The following FBXO30 variants were observed in gnomAD, a reference collection of about 807,000 sequenced individuals.
FBXO30 encodes the protein F-box only protein 30.
FBXO30 carries 21 observed loss-of-function variants against 58.1 expected under a neutral mutation model. That is an observed-to-expected ratio of 0.36 (90% CI 0.26 to 0.52). The LOEUF is 0.52. Ranked by LOEUF, FBXO30 falls within the 20% of genes least tolerant of loss-of-function variation. The pLI, the probability that FBXO30 is intolerant of heterozygous loss-of-function variation, is 0.93. For synonymous variants in FBXO30, 309 were observed against 312.4 expected (o/e 0.99, Z 0.11); for missense variants, 744 against 897.3 (o/e 0.83, Z 2.18).
At chr6:145,811,530 T>G (rs1342555981) in intron 1 of FBXO30, among the ~76,000 whole-genome samples, 1 of 152,234 alleles carries the variant, frequency 6.6e-6, no homozygotes, top group East Asian at 1.9e-4. Context: ...TTTCCACTAT[T>G]TTAATTCCCT....
At chr6:145,807,867 C>T (rs1226931699) in intron 1 of FBXO30, among the ~76,000 whole-genome samples, 2 of 152,028 alleles carry the variant, frequency 1.3e-5, no homozygotes, top group East Asian at 3.9e-4. Flanking sequence ...GTGGCTCAAA[C>T]CTGTAATCCC....
intron 1 of FBXO30, chr6:145,809,644 A>G (rs1778280374): frequency 6.6e-6 from 1 of 152,224 alleles, no homozygotes; most frequent in Non-Finnish European, 1.5e-5. Context: ...CCCTTTGAAT[A>G]AGGTTTCAAA....
chr6:145,804,349 G>T, intron 2 of FBXO30, 23 bp downstream of exon 2: 1 of 1,566,158 alleles, frequency 6.4e-7, no homozygotes, highest in South Asian at 1.2e-5. Context: ...TGTCAAATAA[G>T]AGGTTGTAAA....
At chr6:145,803,754 C>G (rs1294056505) in intron 2 of FBXO30, among the ~76,000 whole-genome samples, 1 of 152,038 alleles carries the variant, frequency 6.6e-6, no homozygotes, top group Non-Finnish European at 1.5e-5. Context: ...TCTACTAAAC[C>G]CAGAGTCCCC....
In FBXO30 at chr6:145,798,851, A is replaced by G. The variant is rs1175848972; in HGVS notation, c.*1255T>C. On this transcript the variant is annotated 3_prime_UTR_variant, in exon 3 of 3. Transcript: ENST00000237281. ...TTAACAAGTAATCTGTCACCATTTC[A>G]GACTACCAAATGCTAATTTACTTAA... is the stretch of plus-strand genomic sequence containing the variant. The G allele has an allele frequency of 3.3e-5, 5 of 152,074 alleles. No individual in the cohort carries two copies. Among genetic ancestry groups the G allele is most frequent in the Admixed American group, 6.6e-5 (1 of 15,244 alleles). 9.4% of individuals were successfully genotyped at this position (152,074 alleles called of 1,614,324 possible).
At chr6:145,801,764 T>G (rs552878230) in intron 2 of FBXO30, among the ~76,000 whole-genome samples, 1 of 152,192 alleles carries the variant, frequency 6.6e-6, no homozygotes, top group South Asian at 2.1e-4. Flanking sequence ...ATAGTATAGA[T>G]GTCACTAGCC....
chr6:145,809,028 AAAG>A (rs1778261887), intron 1 of FBXO30, among the ~76,000 whole-genome samples: 1 of 130,028 alleles, frequency 7.7e-6, no homozygotes, highest in African/African-American at 2.6e-5. Flanking sequence ...CAATGATGTC[AAAG>A]AAAAGACAAG....
chr6:145,804,421 C>T lies in FBXO30; in HGVS notation c.1985G>A (p.Gly662Glu). Residue 662 changes from glycine (G) to glutamate (E), a missense_variant, in exon 2 of 3, where the codon GGG (glycine) becomes GAG (glutamate). Gly to Glu is a moderately conservative substitution (Grantham distance 98). This residue lies in a region of FBXO30 where 334 missense variants were observed against 433.7 expected (regional missense o/e 0.77). Coordinates refer to ENST00000237281, the MANE Select transcript of FBXO30 (RefSeq NM_032145.5). ...ATTTCCTTCTGGATACTTCCTTTTCCCCCACTGCAGTATGACCATGCCACG... is the reference window on the plus strand; with the variant it reads ...ATTTCCTTCTGGATACTTCCTTTTCTCCCACTGCAGTATGACCATGCCACG... ...QSRGMVILQW[G>E]KRKYPEGNSS... is the part of the protein sequence containing the mutation. 1 of 1,613,408 alleles carries T rather than the reference C, an allele frequency of 6.2e-7. No individual in the cohort carries two copies. Among genetic ancestry groups the T allele is most frequent in the Middle Eastern group, 1.7e-4 (1 of 6,058 alleles).
chr6:145,804,571 T>C lies in FBXO30; in HGVS notation c.1835A>G (p.His612Arg). 6.2e-7 allele frequency: 1 copy of C among 1,613,756 alleles called. No homozygotes were observed. Among genetic ancestry groups the C allele is most frequent in the Non-Finnish European group, 8.5e-7 (1 of 1,179,830 alleles). The change falls in exon 2 of 3, where the codon CAT becomes CGT. Residue 612 changes from histidine to arginine, a missense_variant. Around this residue, in one of 3 missense-constraint regions of FBXO30, gnomAD observed 334 missense variants for 433.7 expected, o/e 0.77. Coordinates refer to ENST00000237281, the MANE Select transcript of FBXO30 (RefSeq NM_032145.5). The part of the protein sequence containing the change: ...RNCVLGLHND[H>R]LSSLPFEVLQ... Reference sequence around the variant, plus strand: ...GACCTCAAAAGGAAGACTACTTAGATGGTCATTATGTAATCCCAACACACA... The same window carrying C: ...GACCTCAAAAGGAAGACTACTTAGACGGTCATTATGTAATCCCAACACACA...
chr6:145,795,790 C>A lies in FBXO30; in HGVS notation c.*4316G>T, dbSNP rs1308540779. On this transcript the variant is annotated 3_prime_UTR_variant, in exon 3 of 3. Coordinates refer to ENST00000237281, the MANE Select transcript of FBXO30 (RefSeq NM_032145.5). Reference sequence around the variant, plus strand: ...CGCCATTAATACATCTCAAGGTGTACTGGCCAATTATGAAGATTATATATG... The same window carrying A: ...CGCCATTAATACATCTCAAGGTGTAATGGCCAATTATGAAGATTATATATG... The A allele has an allele frequency of 1.3e-5, 2 of 151,754 alleles. No homozygotes were observed. The highest frequency in any genetic ancestry group is 4.8e-5 in the African/African-American group (2 of 41,376). The allele number at this position is 151,754 out of a possible 1,614,324, so 9.4% of individuals were successfully genotyped here. A position where few individuals can be genotyped will look rare whatever the true frequency, so the allele number is the denominator to read the frequency against.
chr6:145,805,748 C>G lies in FBXO30; in HGVS notation c.658G>C (p.Glu220Gln), dbSNP rs1778147791. 2 of 1,614,070 alleles carry G rather than the reference C, an allele frequency of 1.2e-6. No homozygotes were observed. Among genetic ancestry groups the G allele is most frequent in the East Asian group, 4.5e-5 (2 of 44,872 alleles). Residue 220 changes from glutamate (E) to glutamine (Q), a missense_variant, in exon 2 of 3, where the codon GAA becomes CAA. Transcript: ENST00000237281. ...LNTSVPNDMD[E>Q]QQNARESLED... ...AAGCTTTCTCTCGCATTTTGCTGTT[C>G]ATCCATGTCATTTGGGACACTTGTA...
chr6:145,810,412 A>T (rs1778300882), intron 1 of FBXO30, among the ~76,000 whole-genome samples: 1 of 152,188 alleles, frequency 6.6e-6, no homozygotes, highest in Non-Finnish European at 1.5e-5. Context: ...ATCCTGTAAA[A>T]CAGGTTTAAA....
At chr6:145,810,813 A>T (rs1778312723) in intron 1 of FBXO30, among the ~76,000 whole-genome samples, 2 of 152,208 alleles carry the variant, frequency 1.3e-5, no homozygotes, top group South Asian at 2.1e-4. Context: ...AGAGTCATCT[A>T]ATGTATTCAA....
intron 1 of FBXO30, among the ~76,000 whole-genome samples, chr6:145,811,284 A>T (rs1778326728): frequency 6.6e-6 from 1 of 152,234 alleles, no homozygotes; most frequent in African/African-American, 2.4e-5. Flanking sequence ...AATACCTTAC[A>T]GATCTGGCAT....
intron 1 of FBXO30, among the ~76,000 whole-genome samples, chr6:145,810,529 C>T (rs187764951): frequency 1.2e-3 from 184 of 152,262 alleles, no homozygotes; most frequent in African/African-American, 3.9e-3. Flanking sequence ...GGAAAAGTTT[C>T]GCTGGACCAG....
rs1777874719 is a variant in FBXO30, at chr6:145,796,794, A to AGGCCCCCTTGCTCTGTGCAGCC, written c.*3311_*3312insGGCTGCACAGAGCAAGGGGGCC. 6.6e-6 allele frequency: 1 copy of AGGCCCCCTTGCTCTGTGCAGCC among 152,038 alleles called. No individual in the cohort carries two copies. The highest frequency in any genetic ancestry group is 1.5e-5 in the Non-Finnish European group (1 of 67,928). 9.4% of individuals were successfully genotyped at this position (152,038 alleles called of 1,614,324 possible). A position where few individuals can be genotyped will look rare whatever the true frequency, so the allele number is the denominator to read the frequency against. On this transcript the variant is annotated 3_prime_UTR_variant, in exon 3 of 3. Coordinates refer to ENST00000237281, the MANE Select transcript of FBXO30 (RefSeq NM_032145.5). ...AGGCAAAACTGTTATCGATATAGTA[A>AGGCCCCCTTGCTCTGTGCAGCC]TATAAACTACCATATCTTCAAGGGA... is the stretch of plus-strand genomic sequence containing the variant.
chr6:145,804,886 CATTCCA>C lies in FBXO30; in HGVS notation c.1514_1519del (p.Leu505_Glu506del), dbSNP rs1347993008. ...CTGCTTGGGTTGGTACCTAGCGACA[CATTCCA>C]ATACTAAATCCAGCCCAAGTGTCTG... On this transcript the variant is annotated inframe_deletion, in exon 2 of 3. Coordinates refer to ENST00000237281, the MANE Select transcript of FBXO30 (RefSeq NM_032145.5). 9 of 1,613,758 alleles carry C rather than the reference CATTCCA, an allele frequency of 5.6e-6. No homozygotes were observed. The Middle Eastern group carries it at 6.6e-4, about 118-fold the overall frequency.
intron 1 of FBXO30, among the ~76,000 whole-genome samples, chr6:145,807,128 A>G (rs1778196379): frequency 6.6e-6 from 1 of 152,206 alleles, no homozygotes; most frequent in Non-Finnish European, 1.5e-5. Context: ...TTGTTTAACT[A>G]TCATGGACCA....
At chr6:145,801,304 G>T (rs564584238) in intron 2 of FBXO30, among the ~76,000 whole-genome samples, 8 of 152,086 alleles carry the variant, frequency 5.3e-5, no homozygotes, top group African/African-American at 1.9e-4. Context: ...GTCTAACCTG[G>T]GGCCCGTAGG....
Sources: gnomAD v4.1 joint callset for allele counts (sites outside exome capture counted in the v4.1 genomes callset) on GRCh38, gnomAD v4.1.1 for gene constraint, gnomAD v4.1.1 regional missense constraint, MANE v1.5 for transcripts, NCBI Gene and HGNC (gene_info 2026-07-23, HGNC 2026-07-21) for gene names.